The following SETD3 variants were observed in gnomAD, a reference collection of about 807,000 sequenced individuals.
The protein encoded by SETD3 is SET domain containing 3, actin N3(tau)-histidine methyltransferase.
In SETD3, 19 loss-of-function variants were observed where a neutral mutation model predicts 63.0. The ratio of observed to expected loss-of-function variants is 0.30; its 90% confidence interval spans 0.21 to 0.44. SETD3 has a LOEUF of 0.44. SETD3 is among the 20% of genes least tolerant of loss of function. The probability of loss-of-function intolerance (pLI) is 1.00; values close to 1 mark genes in which losing one functional copy is unlikely to be tolerated. For missense variants in SETD3, 587 were observed against 728.5 expected (o/e 0.81, Z 2.24); for synonymous variants, 286 against 264.1 (o/e 1.08, Z -0.80).
chr14:99,459,933 G>A (rs547003789), intron 4 of SETD3, among the ~76,000 whole-genome samples: 48 of 152,190 alleles, frequency 3.2e-4, no homozygotes, highest in Admixed American at 8.5e-4. Flanking sequence ...AGAAATAAAT[G>A]TCTGTTGTTT....
intron 4 of SETD3, 55 bp downstream of exon 4, chr14:99,461,137 G>C: frequency 1.3e-6 from 2 of 1,597,184 alleles, no homozygotes; most frequent in East Asian, 4.5e-5. Context: ...GCCCTCTACA[G>C]CACACCACAG....
At chr14:99,449,138 C>T (rs1245238131) in intron 6 of SETD3, among the ~76,000 whole-genome samples, 1 of 152,190 alleles carries the variant, frequency 6.6e-6, no homozygotes, top group Non-Finnish European at 1.5e-5. Flanking sequence ...GAAGGGACAG[C>T]TCTTCCTTTT....
chr14:99,418,450 A>G lies in SETD3; in HGVS notation c.676-4516T>C, dbSNP rs559717773. On this transcript the variant is annotated intron_variant, in intron 6 of 12. Coordinates refer to ENST00000331768, the MANE Select transcript of SETD3 (RefSeq NM_032233.3). ...TTTCATTTTCCTTCCTTCTGCAAGG[A>G]TGAGATCAGTCACAAACTCTCACAT... Among the ~76,000 whole-genome samples, 13 of 152,244 alleles carry G rather than the reference A, an allele frequency of 8.5e-5. 1 individual carries two copies. In the South Asian group the frequency reaches 2.5e-3, roughly 29 times the overall value.
At position 99,403,465 on chromosome 14, in the gene SETD3, T is replaced by A. The variant is rs892718313; in HGVS notation, c.1177+760A>T. On this transcript the variant is annotated intron_variant, in intron 11 of 12. Transcript: ENST00000331768. ...CACACACACACACACACTCTCTCTCTCTCTCTCTCTCTCTCTCTCTCTCTT... is the reference window on the plus strand; with the variant it reads ...CACACACACACACACACTCTCTCTCACTCTCTCTCTCTCTCTCTCTCTCTT... 9.8e-4 allele frequency among the ~76,000 whole-genome samples: 135 copies of A among 137,546 alleles called. 1 individual carries two copies. The highest frequency in any genetic ancestry group is 3.5e-3 in the Middle Eastern group (1 of 282). The allele number at this position is 137,546 out of a possible 152,430, so 90.2% of individuals were successfully genotyped here.
At chr14:99,442,255 T>C (rs1893866131) in intron 6 of SETD3, among the ~76,000 whole-genome samples, 1 of 152,174 alleles carries the variant, frequency 6.6e-6, no homozygotes, top group Admixed American at 6.5e-5. Flanking sequence ...AAATACACAG[T>C]TTCTGGCTGA....
In SETD3 at chr14:99,424,190, T is replaced by C. The variant is rs184101107; in HGVS notation, c.676-10256A>G. On this transcript the variant is annotated intron_variant, in intron 6 of 12. Coordinates refer to ENST00000331768, the MANE Select transcript of SETD3 (RefSeq NM_032233.3). ...TCTTTTACTATAAGATGTTTGACTA[T>C]AGTCATAGATGAGAAAAGACTTCAG... Among the ~76,000 whole-genome samples, 21 of 152,362 alleles carry C rather than the reference T, an allele frequency of 1.4e-4. No individual in the cohort carries two copies. In the East Asian group the frequency reaches 2.9e-3, roughly 21 times the overall value.
intron 12 of SETD3, among the ~76,000 whole-genome samples, chr14:99,399,577 C>T (rs1175523511): frequency 3.9e-5 from 6 of 151,928 alleles, no homozygotes; most frequent in Non-Finnish European, 7.4e-5. Flanking sequence ...TGTGAAATCA[C>T]GTGAATTATA....
chr14:99,453,898 C>A (rs1894606814), intron 6 of SETD3, among the ~76,000 whole-genome samples: 2 of 152,104 alleles, frequency 1.3e-5, no homozygotes, highest in Non-Finnish European at 2.9e-5. Flanking sequence ...TAGTTTTACC[C>A]ATGTTAAGTG....
chr14:99,407,547 T>C (rs1017485671), intron 8 of SETD3, among the ~76,000 whole-genome samples: 1 of 152,170 alleles, frequency 6.6e-6, no homozygotes, highest in Non-Finnish European at 1.5e-5. Flanking sequence ...AATCTTCCTA[T>C]GATTCCGCTC....
upstream of SETD3, among the ~76,000 whole-genome samples, chr14:99,482,630 G>T (rs1041769885): frequency 6.6e-6 from 1 of 152,100 alleles, no homozygotes; most frequent in African/African-American, 2.4e-5. Context: ...ATATTGTGAT[G>T]CATTATTCAA....
upstream of SETD3, among the ~76,000 whole-genome samples, chr14:99,485,469 G>A (rs1055250163): frequency 3.3e-5 from 5 of 152,020 alleles, no homozygotes; most frequent in African/African-American, 4.8e-5. Flanking sequence ...CATTCTCAGG[G>A]GAAGAAAGAG....
intron 8 of SETD3, chr14:99,410,103 G>T: frequency 9.6e-7 from 1 of 1,041,424 alleles, no homozygotes; most frequent in Non-Finnish European, 1.5e-6. Context: ...ATTCCACATA[G>T]GGTGCTCAGG....
Position 99,464,579 on chromosome 14 carries a change from G to A in SETD3, c.104-1001C>T, listed in dbSNP as rs571142119. ...GCCAGTAGGGTCCAGGGCAGCACTC[G>A]AGAGGGACCTGACTCCAACTTGGCT... On this transcript the variant is annotated intron_variant, in intron 2 of 12. Transcript: ENST00000331768. Among the ~76,000 whole-genome samples the A allele has an allele frequency of 7.9e-5, 12 of 152,292 alleles. 1 individual carries two copies. The highest frequency in any genetic ancestry group is 4.6e-4 in the Admixed American group (7 of 15,306).
At chr14:99,410,920 A>G (rs1891951705) in intron 8 of SETD3, among the ~76,000 whole-genome samples, 1 of 152,254 alleles carries the variant, frequency 6.6e-6, no homozygotes, top group Non-Finnish European at 1.5e-5. Flanking sequence ...GACTGACAAT[A>G]AGAAGATGAT....
intron 1 of SETD3, among the ~76,000 whole-genome samples, chr14:99,471,616 A>G (rs899723549): frequency 3.9e-5 from 6 of 152,192 alleles, no homozygotes; most frequent in African/African-American, 1.4e-4. Flanking sequence ...ATTGGGCTGG[A>G]GCCTGGGTAA....
upstream of SETD3, among the ~76,000 whole-genome samples, chr14:99,485,062 A>G (rs1024283704): frequency 3.9e-5 from 6 of 152,180 alleles, no homozygotes; most frequent in Non-Finnish European, 8.8e-5. Context: ...GTAATAGGGA[A>G]CAGGTTTATA....
chr14:99,468,709 T>C (rs936224162), intron 1 of SETD3, among the ~76,000 whole-genome samples: 2 of 152,184 alleles, frequency 1.3e-5, no homozygotes, highest in African/African-American at 4.8e-5. Flanking sequence ...TCTCTAAAAA[T>C]GCTGTCCAGG....
chr14:99,405,285 C>T lies in SETD3; in HGVS notation c.1011G>A (p.Val337=). 1.2e-6 allele frequency: 2 copies of T among 1,614,162 alleles called. No homozygotes were observed. Among genetic ancestry groups the T allele is most frequent in the Non-Finnish European group, 1.7e-6 (2 of 1,180,000 alleles). ...FFFDNNSHDR[V]KIKLGVSKSD... ...TTTTACTCACTCCAAGCTTTATTTT[C>T]ACTCTGTCGTGTGAGTTATTGTCAA... Residue 337 remains valine, a synonymous_variant, in exon 10 of 13, where the codon GTG becomes GTA. Transcript: ENST00000331768.
At chr14:99,449,852 G>A (rs1894358421) in intron 6 of SETD3, among the ~76,000 whole-genome samples, 2 of 152,284 alleles carry the variant, frequency 1.3e-5, no homozygotes, top group Non-Finnish European at 2.9e-5. Flanking sequence ...CACAAATTTT[G>A]CAACTGTTTT....
Sources: allele counts gnomAD v4.1 joint callset (sites outside exome capture counted in the v4.1 genomes callset), GRCh38; gene constraint gnomAD v4.1.1; transcripts MANE v1.5; gene names NCBI Gene and HGNC (gene_info 2026-07-23, HGNC 2026-07-21).